The following GALNT17 variants were observed in gnomAD, a reference collection of about 807,000 sequenced individuals.
GALNT17 encodes the protein UDP-GalNAc:polypeptide N-acetylgalactosaminyltransferase-like 3.
Under a neutral mutation model 63.7 loss-of-function variants are expected in GALNT17, and 29 were observed. The ratio of observed to expected loss-of-function variants is 0.46; its 90% CI spans 0.34 to 0.62. The LOEUF (loss-of-function observed/expected upper bound fraction) is 0.62. GALNT17 is among the 20% of genes least tolerant of loss of function. The pLI, the probability that GALNT17 is intolerant of heterozygous loss-of-function variation, is 0.01. For synonymous variants in GALNT17, 305 were observed against 318.3 expected, an observed-to-expected ratio of 0.96 and a Z score of 0.45; for missense variants, 603 against 799.6, an observed-to-expected ratio of 0.75 and a Z score of 2.97.
At chr7:71,621,848 G>T (rs1790300458) in intron 6 of GALNT17, among the ~76,000 whole-genome samples, 1 of 152,176 alleles carries the variant, frequency 6.6e-6, no homozygotes, top group Non-Finnish European at 1.5e-5. Context: ...CTAAGAAAGG[G>T]CTCTTGCCCT....
intron 9 of GALNT17, among the ~76,000 whole-genome samples, chr7:71,692,445 C>T (rs1465277672): frequency 4.6e-5 from 7 of 152,034 alleles, no homozygotes; most frequent in Non-Finnish European, 1.0e-4. Flanking sequence ...AGGAGGGGGA[C>T]GTAAAGCCTC....
intron 5 of GALNT17, among the ~76,000 whole-genome samples, chr7:71,497,623 A>G (rs1248000351): frequency 6.6e-6 from 1 of 152,194 alleles, no homozygotes; most frequent in Non-Finnish European, 1.5e-5. Context: ...GTTACAGGGG[A>G]CAGGATTTAG....
chr7:71,277,482 C>A (rs1202641), intron 1 of GALNT17, among the ~76,000 whole-genome samples: 15 of 151,920 alleles, frequency 9.9e-5, no homozygotes, highest in Admixed American at 1.3e-4. Context: ...GGACCCTGAA[C>A]CTAAAATTGA....
At chr7:71,462,188 C>T (rs1019637257) in intron 5 of GALNT17, among the ~76,000 whole-genome samples, 1 of 152,208 alleles carries the variant, frequency 6.6e-6, no homozygotes, top group Admixed American at 6.5e-5. Flanking sequence ...TGCTTCTCCC[C>T]TGTAGTGGAG....
At chr7:71,336,787 C>G (rs2116099652) in intron 2 of GALNT17, among the ~76,000 whole-genome samples, 1 of 152,298 alleles carries the variant, frequency 6.6e-6, no homozygotes, top group Non-Finnish European at 1.5e-5. Flanking sequence ...GTGAATAGTG[C>G]TATAATGAAC....
chr7:71,567,419 G>A (rs1789367445), intron 5 of GALNT17, among the ~76,000 whole-genome samples: 1 of 152,188 alleles, frequency 6.6e-6, no homozygotes, highest in South Asian at 2.1e-4. Context: ...CCCATTGCAG[G>A]TTTTCTCTTG....
intron 1 of GALNT17, among the ~76,000 whole-genome samples, chr7:71,152,071 C>T (rs1481920491): frequency 6.6e-5 from 10 of 152,024 alleles, no homozygotes; most frequent in South Asian, 2.1e-4. Context: ...GCTAATTTGC[C>T]GTGTCGTTCT....
chr7:71,706,339 G>C (rs1791722028), intron 9 of GALNT17, among the ~76,000 whole-genome samples: 1 of 152,092 alleles, frequency 6.6e-6, no homozygotes, highest in African/African-American at 2.4e-5. Flanking sequence ...AGGTCTCATT[G>C]TTTCACTCCC....
At chr7:71,383,324 G>A (rs1296618527) in intron 2 of GALNT17, among the ~76,000 whole-genome samples, 3 of 152,122 alleles carry the variant, frequency 2.0e-5, no homozygotes, top group Non-Finnish European at 4.4e-5. Flanking sequence ...CATAATATTT[G>A]TACATAAACT....
intron 3 of GALNT17, among the ~76,000 whole-genome samples, chr7:71,406,621 C>T (rs1563069578): frequency 6.6e-6 from 1 of 151,968 alleles, no homozygotes; most frequent in Non-Finnish European, 1.5e-5. Context: ...AAAACTTTGT[C>T]TAATAATATT....
chr7:71,318,003 C>T (rs1003938087), intron 1 of GALNT17, among the ~76,000 whole-genome samples: 1 of 152,038 alleles, frequency 6.6e-6, no homozygotes, highest in Non-Finnish European at 1.5e-5. Flanking sequence ...CTCACTGAAG[C>T]GTTGATCTCC....
At chr7:71,439,943 C>CTTT (rs370145707) in intron 5 of GALNT17, among the ~76,000 whole-genome samples, 13 of 123,398 alleles carry the variant, frequency 1.1e-4, no homozygotes, top group Admixed American at 1.7e-4. Flanking sequence ...TCCAGGCCCT[C>CTTT]TTTTTTTTTT....
chr7:71,389,230 T>A (rs1466945586), intron 3 of GALNT17, among the ~76,000 whole-genome samples: 1 of 151,696 alleles, frequency 6.6e-6, no homozygotes, highest in Admixed American at 6.6e-5. Flanking sequence ...ACATCTCAGG[T>A]TCAAGCGATT....
intron 1 of GALNT17, among the ~76,000 whole-genome samples, chr7:71,133,657 T>G (rs1430077815): frequency 1.3e-5 from 2 of 152,178 alleles, no homozygotes; most frequent in African/African-American, 4.8e-5. Flanking sequence ...AGGGTGGGCC[T>G]GCGAAGTTTC....
At chr7:71,388,723 C>T (rs1056971488) in intron 3 of GALNT17, among the ~76,000 whole-genome samples, 6 of 151,868 alleles carry the variant, frequency 4.0e-5, no homozygotes, top group African/African-American at 4.8e-5. Context: ...GATGGGGTTT[C>T]ACCATGTTGG....
intron 2 of GALNT17, among the ~76,000 whole-genome samples, chr7:71,349,380 C>T (rs1792151851): frequency 6.6e-6 from 1 of 152,178 alleles, no homozygotes; most frequent in South Asian, 2.1e-4. Flanking sequence ...TTACAGATGG[C>T]ATGTCCCTTT....
chr7:71,440,774 T>A lies in GALNT17; in HGVS notation c.962+19669T>A, dbSNP rs139802798. Reference sequence around the variant, plus strand: ...GTCCTTTAGAAAAGAAAACGAAGATTATCACTTGTTCTCAAACCCAAACAG... The same window carrying A: ...GTCCTTTAGAAAAGAAAACGAAGATAATCACTTGTTCTCAAACCCAAACAG... On this transcript the variant is annotated intron_variant, in intron 5 of 10. Coordinates refer to ENST00000333538, the MANE Select transcript of GALNT17 (RefSeq NM_022479.3). Among the ~76,000 whole-genome samples the A allele has an allele frequency of 1.0e-3, 153 of 152,252 alleles. 1 individual carries two copies. Among genetic ancestry groups the A allele is most frequent in the African/African-American group, 3.4e-3 (140 of 41,554 alleles).
In GALNT17 at chr7:71,132,389, G is replaced by T; in HGVS notation, c.-414G>T. On this transcript the variant is annotated 5_prime_UTR_variant, in exon 1 of 11. Transcript: ENST00000333538. Reference sequence around the variant, plus strand: ...GCGGCGATCCCTGAGTCCGGCACCTGTGCGCCGCTCCCTCTGTGCCTCCCG... The same window carrying T: ...GCGGCGATCCCTGAGTCCGGCACCTTTGCGCCGCTCCCTCTGTGCCTCCCG... 6.5e-6 allele frequency: 1 copy of T among 154,300 alleles called. No individual in the cohort carries two copies. The highest frequency in any genetic ancestry group is 1.4e-5 in the Non-Finnish European group (1 of 69,634). The allele number at this position is 154,300 out of a possible 1,614,324, so 9.6% of individuals were successfully genotyped here.
chr7:71,205,490 A>G, intron 1 of GALNT17, among the ~76,000 whole-genome samples: 1 of 152,012 alleles, frequency 6.6e-6, no homozygotes, highest in East Asian at 1.9e-4. Context: ...TCAGTGCAGT[A>G]ATGCTCATTG....
Sources: gnomAD v4.1 joint callset for allele counts (sites outside exome capture counted in the v4.1 genomes callset) on GRCh38, gnomAD v4.1.1 for gene constraint, MANE v1.5 for transcripts, NCBI Gene and HGNC (gene_info 2026-07-23, HGNC 2026-07-21) for gene names.